Variants in SPAG16 observed in about 807,000 individuals in gnomAD.
SPAG16 encodes the protein sperm associated antigen 16, also known as sperm-associated antigen 16 protein.
Under a neutral mutation model 80.4 loss-of-function variants are expected in SPAG16, and 86 were observed. The observed-to-expected ratio is 1.07, with a 90% CI of 0.90 to 1.28. The LOEUF is 1.28. Among genes scored for constraint, SPAG16 ranks in the 50% most tolerant of loss-of-function variants. The pLI is 0.00. For synonymous variants in SPAG16, 294 were observed against 265.9 expected, an observed-to-expected ratio of 1.11 and a Z score of -1.03; for missense variants, 870 against 765.3, an observed-to-expected ratio of 1.14 and a Z score of -1.61.
chr2:214,185,852 C>T (rs1360409911), intron 15 of SPAG16, among the ~76,000 whole-genome samples: 1 of 152,052 alleles, frequency 6.6e-6, no homozygotes, highest in Admixed American at 6.6e-5. Flanking sequence ...CAAGATATGC[C>T]CTTTTAGCCT....
rs33989475 is a variant in SPAG16 at position 213,433,915 on chromosome 2, C to CTTT, written c.943-56028_943-56026dup. 8.7e-3 allele frequency among the ~76,000 whole-genome samples: 739 copies of CTTT among 84,988 alleles called. 22 individuals are homozygous for CTTT. Among genetic ancestry groups the CTTT allele is most frequent in the African/African-American group, 0.029 (679 of 23,414 alleles). 55.8% of individuals were successfully genotyped at this position (84,988 alleles called of 152,430 possible). A position where few individuals can be genotyped will look rare whatever the true frequency, so the allele number is the denominator to read the frequency against. On this transcript the variant is annotated intron_variant, in intron 9 of 15. Coordinates refer to ENST00000331683, the MANE Select transcript of SPAG16 (RefSeq NM_024532.5). ...CTCTTCTTTTTTCCTTTTTCTTTGTCTTTTTTTTTTTTTTTTTTTTTTGAG... is the reference window on the plus strand; with the variant it reads ...CTCTTCTTTTTTCCTTTTTCTTTGTCTTTTTTTTTTTTTTTTTTTTTTTTTGAG...
At chr2:213,934,488 T>C (rs140103507) in intron 12 of SPAG16, among the ~76,000 whole-genome samples, 271 of 152,270 alleles carry the variant, frequency 1.8e-3, no homozygotes, top group African/African-American at 6.3e-3. Flanking sequence ...TTTTTGGTTG[T>C]GGAGAGAAGA....
At chr2:213,422,171 A>G (rs1170431569) in intron 9 of SPAG16, 3 of 700,556 alleles carry the variant, frequency 4.3e-6, no homozygotes, top group Non-Finnish European at 7.8e-6. Flanking sequence ...GTGGCCCTTC[A>G]GGGAGCCCAG....
At chr2:213,846,504 A>G (rs555665925) in intron 10 of SPAG16, among the ~76,000 whole-genome samples, 1 of 152,174 alleles carries the variant, frequency 6.6e-6, no homozygotes, top group African/African-American at 2.4e-5. Flanking sequence ...AAAACCAATA[A>G]AAATGTCATT....
chr2:214,180,650 A>G (rs1018333543), intron 15 of SPAG16, among the ~76,000 whole-genome samples: 2 of 151,736 alleles, frequency 1.3e-5, no homozygotes, highest in African/African-American at 4.8e-5. Flanking sequence ...ATACAGAATA[A>G]TCACCAAAGT....
chr2:213,708,794 G>A (rs546868886), intron 10 of SPAG16, among the ~76,000 whole-genome samples: 2 of 152,076 alleles, frequency 1.3e-5, no homozygotes, highest in African/African-American at 4.8e-5. Flanking sequence ...CAAAAAGGGG[G>A]GAAAAAAGTA....
intron 15 of SPAG16, among the ~76,000 whole-genome samples, chr2:214,300,183 GAGAA>G (rs1694445972): frequency 6.6e-6 from 1 of 152,040 alleles, no homozygotes; most frequent in Non-Finnish European, 1.5e-5. Flanking sequence ...ATTAGGTAGA[GAGAA>G]AGAAATATGT....
chr2:213,833,092 A>G (rs962878083), intron 10 of SPAG16, among the ~76,000 whole-genome samples: 1 of 151,588 alleles, frequency 6.6e-6, no homozygotes, highest in African/African-American at 2.4e-5. Context: ...CCTTCATTTT[A>G]ATTATTCTTT....
intron 10 of SPAG16, among the ~76,000 whole-genome samples, chr2:213,828,358 T>C (rs2073424214): frequency 6.6e-6 from 1 of 152,194 alleles, no homozygotes; most frequent in Non-Finnish European, 1.5e-5. Flanking sequence ...CTCCAGAATT[T>C]CTTCTTGATT....
intron 15 of SPAG16, among the ~76,000 whole-genome samples, chr2:214,284,617 C>T (rs1235547536): frequency 6.6e-6 from 1 of 152,154 alleles, no homozygotes; most frequent in African/African-American, 2.4e-5. Flanking sequence ...TTGCGCAGTA[C>T]TCTGTTGAGA....
intron 15 of SPAG16, 144 bp downstream of exon 15, chr2:214,149,410 A>G (rs1318393984): frequency 1.3e-5 from 9 of 703,056 alleles, no homozygotes; most frequent in Admixed American, 4.2e-5. Flanking sequence ...ACATTAAGAT[A>G]TATTTTATCA....
At chr2:214,120,369 T>C (rs1378824357) in intron 14 of SPAG16, among the ~76,000 whole-genome samples, 1 of 151,900 alleles carries the variant, frequency 6.6e-6, no homozygotes, top group Admixed American at 6.6e-5. Context: ...TTTTAGATTC[T>C]TTTCAACTTT....
chr2:213,322,032 C>T (rs1234838091), intron 5 of SPAG16, among the ~76,000 whole-genome samples: 1 of 151,400 alleles, frequency 6.6e-6, no homozygotes, highest in Non-Finnish European at 1.5e-5. Flanking sequence ...ATGTAACTAA[C>T]TTGCACTTTG....
At chr2:214,140,718 T>A (rs1169290764) in intron 14 of SPAG16, among the ~76,000 whole-genome samples, 3 of 152,032 alleles carry the variant, frequency 2.0e-5, no homozygotes, top group African/African-American at 4.8e-5. Context: ...TCTGTAATTA[T>A]TTTTTTCTGA....
intron 13 of SPAG16, among the ~76,000 whole-genome samples, chr2:214,103,411 G>C (rs917842605): frequency 2.0e-5 from 3 of 152,140 alleles, no homozygotes; most frequent in African/African-American, 4.8e-5. Flanking sequence ...CTCTAGTCTG[G>C]CTGTGTGCCC....
At chr2:213,481,487 T>A (rs2073746501) in intron 9 of SPAG16, among the ~76,000 whole-genome samples, 1 of 152,224 alleles carries the variant, frequency 6.6e-6, no homozygotes, top group Admixed American at 6.5e-5. Flanking sequence ...CTGACTTGAC[T>A]TGAAACCATT....
At chr2:214,217,882 C>T (rs1485515995) in intron 15 of SPAG16, among the ~76,000 whole-genome samples, 1 of 152,132 alleles carries the variant, frequency 6.6e-6, no homozygotes, top group Non-Finnish European at 1.5e-5. Context: ...GCTTCTGGGG[C>T]AGTGGGTCTC....
At chr2:214,108,409 T>TA (rs1327869211) in intron 14 of SPAG16, 148 bp downstream of exon 14, 3 of 569,670 alleles carry the variant, frequency 5.3e-6, no homozygotes, top group Non-Finnish European at 3.1e-6. Context: ...GAAAAGTCTA[T>TA]AGGTATATAG....
intron 10 of SPAG16, among the ~76,000 whole-genome samples, chr2:213,595,879 AT>A (rs1316846495): frequency 6.6e-6 from 1 of 152,110 alleles, no homozygotes; most frequent in Non-Finnish European, 1.5e-5. Context: ...AAGTTATTGC[AT>A]TCATTATCCA....
Sources: allele counts gnomAD v4.1 joint callset (sites outside exome capture counted in the v4.1 genomes callset), GRCh38; gene constraint gnomAD v4.1.1; transcripts MANE v1.5; gene names NCBI Gene and HGNC (gene_info 2026-07-23, HGNC 2026-07-21).